SMIM35: variants seen among roughly 807,000 people sequenced by gnomAD.
SMIM35 encodes the protein TMPRSS4 antisense RNA 1 (non-protein coding).
chr11:118,070,146 T>C (rs552387038), intron 1 of SMIM35, among the ~76,000 whole-genome samples: 27 of 152,310 alleles, frequency 1.8e-4, no homozygotes, highest in Admixed American at 5.2e-4. Flanking sequence ...AAAGTAAATC[T>C]ATACCATTTA....
At chr11:118,082,993 G>A (rs1310910782) in intron 1 of SMIM35, among the ~76,000 whole-genome samples, 1 of 152,146 alleles carries the variant, frequency 6.6e-6, no homozygotes, top group Non-Finnish European at 1.5e-5. Context: ...GAGAAAAACA[G>A]AGCTGCAGTG....
At chr11:118,035,075 C>T (rs1348127647) in intron 1 of SMIM35, among the ~76,000 whole-genome samples, 2 of 151,928 alleles carry the variant, frequency 1.3e-5, no homozygotes, top group African/African-American at 4.8e-5. Flanking sequence ...CCTCCGCCTC[C>T]TGAGTAGCTG....
intron 1 of SMIM35, among the ~76,000 whole-genome samples, chr11:118,019,446 G>A (rs2058208189): frequency 1.3e-5 from 2 of 152,046 alleles, no homozygotes; most frequent in Non-Finnish European, 2.9e-5. Context: ...TTAAGTTCAG[G>A]GAAGCCCAGG....
At chr11:118,025,909 G>T in intron 1 of SMIM35, 1 of 368,274 alleles carries the variant, frequency 2.7e-6, no homozygotes, top group Non-Finnish European at 5.1e-6. Context: ...TTTCTTCTAG[G>T]ATTTTTACAG....
At position 118,029,613 on chromosome 11, in the gene SMIM35, C is replaced by G. The variant is rs114111686; in HGVS notation, c.8-13804G>C. 1.9e-3 allele frequency: 854 copies of G among 456,860 alleles called. 5 individuals are homozygous for G. Among genetic ancestry groups the G allele is most frequent in the African/African-American group, 0.015 (731 of 50,180 alleles). 28.3% of individuals were successfully genotyped at this position (456,860 alleles called of 1,614,324 possible). Reference sequence around the variant, plus strand: ...CTGCTTCTTATTGTCATATCACTGTCAGCATCACCCAGTGTTTCTTTTTCA... The same window carrying G: ...CTGCTTCTTATTGTCATATCACTGTGAGCATCACCCAGTGTTTCTTTTTCA... On this transcript the variant is annotated intron_variant, in intron 1 of 4. Coordinates refer to ENST00000689828, the MANE Select transcript of SMIM35 (RefSeq NM_001394165.1).
At chr11:118,065,670 G>A (rs533282040) in intron 1 of SMIM35, among the ~76,000 whole-genome samples, 87 of 152,214 alleles carry the variant, frequency 5.7e-4, no homozygotes, top group Non-Finnish European at 9.9e-4. Flanking sequence ...TTTACATAGG[G>A]TGTACACTAA....
chr11:118,062,613 G>A (rs1189973618), intron 1 of SMIM35, among the ~76,000 whole-genome samples: 1 of 152,168 alleles, frequency 6.6e-6, no homozygotes, highest in East Asian at 1.9e-4. Context: ...AAGGAACCCA[G>A]GACAAGGGCT....
rs74390862 is a variant in SMIM35, at chr11:118,027,941, G to A, written c.8-12132C>T. 5.3e-3 allele frequency among the ~76,000 whole-genome samples: 801 copies of A among 152,332 alleles called. 3 individuals carry two copies. The highest frequency in any genetic ancestry group is 9.0e-3 in the Non-Finnish European group (614 of 68,022). ...GTGGATCCGTAACCATGTAGTCAAAGGCTCATGAAGAGTCAATATAATTGT... is the reference window on the plus strand; with the variant it reads ...GTGGATCCGTAACCATGTAGTCAAAAGCTCATGAAGAGTCAATATAATTGT... On this transcript the variant is annotated intron_variant, in intron 1 of 4. Transcript: ENST00000689828.
At chr11:118,030,906 A>T (rs1327281905) in intron 1 of SMIM35, among the ~76,000 whole-genome samples, 1 of 152,086 alleles carries the variant, frequency 6.6e-6, no homozygotes. Flanking sequence ...AAAGGCCATG[A>T]TGGTGCAGCC....
intron 4 of SMIM35, among the ~76,000 whole-genome samples, chr11:118,011,702 A>G (rs988252339): frequency 3.9e-5 from 6 of 152,154 alleles, no homozygotes; most frequent in Non-Finnish European, 8.8e-5. Context: ...AAAAAAAGAA[A>G]GAAAGAAAGT....
rs985219036 is a variant in SMIM35, at chr11:118,068,376, C to A, written c.7+18375G>T. Among the ~76,000 whole-genome samples the A allele has an allele frequency of 3.3e-5, 5 of 152,260 alleles. No homozygotes were observed. The East Asian group carries it at 9.7e-4, about 29-fold the overall frequency. On this transcript the variant is annotated intron_variant, in intron 1 of 4. Coordinates refer to ENST00000689828, the MANE Select transcript of SMIM35 (RefSeq NM_001394165.1). ...GCTCTTTCCTCTTAGAGTTTGCCAA[C>A]AGGATGACAGCACGATCTCTGTGTC...
intron 1 of SMIM35, among the ~76,000 whole-genome samples, chr11:118,080,774 G>A (rs1291372282): frequency 3.3e-5 from 5 of 152,098 alleles, no homozygotes; most frequent in African/African-American, 7.2e-5. Context: ...CCCCAGAAAC[G>A]CCCCAGGGCA....
rs113499529 is a variant in SMIM35 at position 118,029,887 on chromosome 11, T to C, written c.8-14078A>G. On this transcript the variant is annotated intron_variant, in intron 1 of 4. Coordinates refer to ENST00000689828, the MANE Select transcript of SMIM35 (RefSeq NM_001394165.1). ...ATTGCTACCTCCACATCACCAAGTG[T>C]TCTTTATCTGTCTTTTCAGTTACCT... 46 of 428,366 alleles carry C rather than the reference T, an allele frequency of 1.1e-4. 2 individuals are homozygous for C. Among genetic ancestry groups the C allele is most frequent in the African/African-American group, 7.4e-4 (36 of 48,778 alleles). 26.5% of individuals were successfully genotyped at this position (428,366 alleles called of 1,614,324 possible). A position where few individuals can be genotyped will look rare whatever the true frequency, so the allele number is the denominator to read the frequency against.
intron 1 of SMIM35, among the ~76,000 whole-genome samples, chr11:118,068,870 G>C (rs562678493): frequency 6.6e-6 from 1 of 152,162 alleles, no homozygotes; most frequent in African/African-American, 2.4e-5. Flanking sequence ...GCATCACTCC[G>C]TGGCCAGAAG....
intron 1 of SMIM35, among the ~76,000 whole-genome samples, chr11:118,085,752 T>C (rs929300185): frequency 2.0e-5 from 3 of 152,150 alleles, no homozygotes; most frequent in Non-Finnish European, 2.9e-5. Context: ...GCGGGACCCC[T>C]TCTGGCCCTC....
At chr11:118,030,089 C>T (rs766843281) in intron 1 of SMIM35, among the ~76,000 whole-genome samples, 14 of 151,922 alleles carry the variant, frequency 9.2e-5, no homozygotes, top group Non-Finnish European at 1.8e-4. Context: ...GGCTGGAGTG[C>T]AGTGGCGTGA....
At chr11:118,084,414 G>A (rs533755790) in intron 1 of SMIM35, among the ~76,000 whole-genome samples, 1 of 152,348 alleles carries the variant, frequency 6.6e-6, no homozygotes, top group South Asian at 2.1e-4. Flanking sequence ...AAGTCAGAGA[G>A]GCAGAGAAGA....
intron 1 of SMIM35, among the ~76,000 whole-genome samples, chr11:118,078,838 C>T (rs979436444): frequency 1.3e-5 from 2 of 152,110 alleles, no homozygotes; most frequent in Admixed American, 6.5e-5. Flanking sequence ...CCCCTGCCCA[C>T]GGAAACGATA....
chr11:118,058,950 T>A (rs1268526834), intron 1 of SMIM35, among the ~76,000 whole-genome samples: 1 of 152,078 alleles, frequency 6.6e-6, no homozygotes, highest in Non-Finnish European at 1.5e-5. Flanking sequence ...GACAAATGCA[T>A]CAGAAACGTC....
Sources: gnomAD v4.1 joint callset for allele counts (sites outside exome capture counted in the v4.1 genomes callset) on GRCh38, gnomAD v4.1.1 for gene constraint, MANE v1.5 for transcripts, NCBI Gene and HGNC (gene_info 2026-07-23, HGNC 2026-07-21) for gene names.